The following PDE11A variants were observed in gnomAD, a reference collection of about 807,000 sequenced individuals.
The protein encoded by PDE11A is dual 3',5'-cyclic-AMP and -GMP phosphodiesterase 11A.
Under a neutral mutation model 100.5 loss-of-function variants are expected in PDE11A, and 100 were observed. That is an observed-to-expected ratio of 1.00 (90% CI 0.85 to 1.18). The LOEUF (loss-of-function observed/expected upper bound fraction) is 1.18, where lower values mean the gene tolerates loss of function less well. PDE11A is among the 50% of genes most tolerant of loss of function. PDE11A has a pLI of 0.00. For missense variants in PDE11A, 1,141 were observed against 1,152.6 expected, an observed-to-expected ratio of 0.99 and a Z score of 0.15; for synonymous variants, 381 against 420.8, an observed-to-expected ratio of 0.91 and a Z score of 1.16.
At chr2:177,733,938 A>G (rs2081732056) in intron 10 of PDE11A, among the ~76,000 whole-genome samples, 1 of 152,358 alleles carries the variant, frequency 6.6e-6, no homozygotes, top group South Asian at 2.1e-4. Context: ...TCAAATTTGC[A>G]GTGTGATTGT....
chr2:177,937,869 T>C (rs937074359), intron 2 of PDE11A, among the ~76,000 whole-genome samples: 1 of 152,144 alleles, frequency 6.6e-6, no homozygotes, highest in African/African-American at 2.4e-5. Flanking sequence ...AGGCTATAGA[T>C]TTATTTTCTG....
rs535798265 is a variant in PDE11A at position 177,656,071 on chromosome 2, C to G, written c.2646+7795G>C. On this transcript the variant is annotated intron_variant, in intron 19 of 19. Coordinates refer to ENST00000286063, the MANE Select transcript of PDE11A (RefSeq NM_016953.4). ...AATTCAACTATGATGAGAACTAAACCACTTTATAAAAAGATATCATAGGCC... is the reference window on the plus strand; with the variant it reads ...AATTCAACTATGATGAGAACTAAACGACTTTATAAAAAGATATCATAGGCC... 4.3e-4 allele frequency among the ~76,000 whole-genome samples: 66 copies of G among 152,196 alleles called. 1 individual carries two copies. In the South Asian group the frequency reaches 0.013, roughly 30 times the overall value.
chr2:177,725,494 C>A (rs900631520), intron 12 of PDE11A, among the ~76,000 whole-genome samples: 1 of 152,120 alleles, frequency 6.6e-6, no homozygotes, highest in African/African-American at 2.4e-5. Flanking sequence ...CCTCCACCCA[C>A]CCTCCTTAGA....
chr2:178,030,158 G>T (rs2086526478), intron 1 of PDE11A, among the ~76,000 whole-genome samples: 1 of 151,734 alleles, frequency 6.6e-6, no homozygotes, highest in African/African-American at 2.4e-5. Context: ...GAATAATCAG[G>T]AGAGAAAAAA....
At chr2:178,065,199 C>G (rs543334541) in intron 1 of PDE11A, among the ~76,000 whole-genome samples, 18 of 152,282 alleles carry the variant, frequency 1.2e-4, no homozygotes, top group Non-Finnish European at 1.5e-5. Flanking sequence ...TGGCAAAATA[C>G]TACCCTTAAA....
intron 1 of PDE11A, among the ~76,000 whole-genome samples, chr2:178,048,506 C>G (rs990432907): frequency 9.2e-5 from 14 of 152,102 alleles, no homozygotes; most frequent in African/African-American, 2.7e-4. Flanking sequence ...CCTTGGTCCT[C>G]CTCAGAAAGG....
intron 9 of PDE11A, among the ~76,000 whole-genome samples, chr2:177,809,311 C>T (rs1355894172): frequency 6.6e-6 from 1 of 152,000 alleles, no homozygotes; most frequent in Non-Finnish European, 1.5e-5. Flanking sequence ...AAAACAAAAA[C>T]AACAAAAAAT....
intron 5 of PDE11A, among the ~76,000 whole-genome samples, chr2:177,852,952 T>A (rs550022173): frequency 6.6e-6 from 1 of 152,328 alleles, no homozygotes; most frequent in South Asian, 2.1e-4. Flanking sequence ...AAGAACACAT[T>A]TTCTATCTTT....
chr2:177,855,650 C>A (rs1217402401), intron 5 of PDE11A, among the ~76,000 whole-genome samples: 1 of 151,990 alleles, frequency 6.6e-6, no homozygotes, highest in Non-Finnish European at 1.5e-5. Flanking sequence ...TCCATGGAAA[C>A]CTCCATTCAC....
At position 178,090,492 on chromosome 2, in the gene PDE11A, A is replaced by T. The variant is rs532288391; in HGVS notation, c.162+13810T>A. The stretch of plus-strand genomic sequence containing the variant: ...TACCCGCCTGCCTTTTTTCATCTCA[A>T]CTCTCCTCATACTATCTTCTTTCTA... On this transcript the variant is annotated intron_variant, in intron 2 of 20. Transcript: ENST00000358450. Among the ~76,000 whole-genome samples, 88 of 150,790 alleles carry T rather than the reference A, an allele frequency of 5.8e-4. 1 individual carries two copies. In the South Asian group the frequency reaches 7.6e-3, roughly 13 times the overall value.
chr2:177,699,267 C>A (rs1269647814), intron 14 of PDE11A, among the ~76,000 whole-genome samples: 1 of 152,150 alleles, frequency 6.6e-6, no homozygotes, highest in Admixed American at 6.5e-5. Context: ...CTGTGAGCAA[C>A]TGTAACGCAA....
chr2:177,901,524 G>C (rs902637909), intron 3 of PDE11A, among the ~76,000 whole-genome samples: 2 of 152,172 alleles, frequency 1.3e-5, no homozygotes, highest in Non-Finnish European at 2.9e-5. Flanking sequence ...AACCCACTGG[G>C]TGGTTACATT....
chr2:177,913,695 A>C (rs1208749364), intron 2 of PDE11A, among the ~76,000 whole-genome samples: 3 of 152,002 alleles, frequency 2.0e-5, no homozygotes, highest in Non-Finnish European at 2.9e-5. Context: ...TATCTTGGAA[A>C]TCTTTACATG....
intron 2 of PDE11A, among the ~76,000 whole-genome samples, chr2:177,984,505 T>C (rs2085918833): frequency 6.6e-6 from 1 of 152,206 alleles, no homozygotes; most frequent in African/African-American, 2.4e-5. Flanking sequence ...TTTTTATTCT[T>C]GATAAATTTG....
At chr2:177,700,141 A>T (rs2081175277) in intron 14 of PDE11A, among the ~76,000 whole-genome samples, 1 of 152,152 alleles carries the variant, frequency 6.6e-6, no homozygotes, top group African/African-American at 2.4e-5. Flanking sequence ...TCCCAACTGA[A>T]AATACATCAT....
rs60572849 is a variant in PDE11A, at chr2:177,819,860, T to TTCTCTTTCTCTCTCTCTCTCTC, written c.1576+359_1576+360insGAGAGAGAGAGAGAGAAAGAGA. 6.8e-3 allele frequency among the ~76,000 whole-genome samples: 696 copies of TTCTCTTTCTCTCTCTCTCTCTC among 101,948 alleles called. 30 individuals carry two copies. The highest frequency in any genetic ancestry group is 0.016 in the Middle Eastern group (3 of 186). The allele number at this position is 101,948 out of a possible 152,430, so 66.9% of individuals were successfully genotyped here. On this transcript the variant is annotated intron_variant, in intron 7 of 19. Transcript: ENST00000286063. The stretch of plus-strand genomic sequence containing the variant: ...CTTGAAGTCATTTCTCTTTCTCTCT[T>TTCTCTTTCTCTCTCTCTCTCTC]TCTCTCTTTCTCTCTCTCTCTCTCT...
intron 5 of PDE11A, among the ~76,000 whole-genome samples, chr2:177,844,494 G>A (rs953290076): frequency 6.6e-6 from 1 of 150,818 alleles, no homozygotes; most frequent in African/African-American, 2.4e-5. Flanking sequence ...TCTGGCTTAC[G>A]CACCAGCTCA....
chr2:177,760,349 C>T (rs1377196493), intron 10 of PDE11A, among the ~76,000 whole-genome samples: 2 of 152,114 alleles, frequency 1.3e-5, no homozygotes, highest in Non-Finnish European at 2.9e-5. Flanking sequence ...GTTTTACCCA[C>T]GTAATCACAC....
At position 177,844,234 on chromosome 2, in the gene PDE11A, C is replaced by T. The variant is rs75806370; in HGVS notation, c.1368-3851G>A. Among the ~76,000 whole-genome samples, 9 of 152,280 alleles carry T rather than the reference C, an allele frequency of 5.9e-5. No homozygotes were observed. The East Asian group carries it at 1.5e-3, about 26-fold the overall frequency. On this transcript the variant is annotated intron_variant, in intron 5 of 19. Coordinates refer to ENST00000286063, the MANE Select transcript of PDE11A (RefSeq NM_016953.4). ...AGGAAGACCAAGATCAAGGCACTGG[C>T]AGATTCAGTATCTAGTGCCTTCTTG...
Sources: allele counts gnomAD v4.1 joint callset (sites outside exome capture counted in the v4.1 genomes callset), GRCh38; gene constraint gnomAD v4.1.1; transcripts MANE v1.5; gene names NCBI Gene and HGNC (gene_info 2026-07-23, HGNC 2026-07-21).